The following DCN variants were observed in gnomAD, a reference collection of about 807,000 sequenced individuals.
DCN encodes the protein bone proteoglycan II.
Under a neutral mutation model 36.5 loss-of-function variants are expected in DCN, and 17 were observed. The ratio of observed to expected loss-of-function variants is 0.47; its 90% CI spans 0.32 to 0.70. The LOEUF (loss-of-function observed/expected upper bound fraction) is 0.70, where lower values mean the gene tolerates loss of function less well. DCN is among the 30% of genes least tolerant of loss of function. The pLI, the probability that DCN is intolerant of heterozygous loss-of-function variation, is 0.04. For synonymous variants in DCN, 163 were observed against 161.4 expected, an observed-to-expected ratio of 1.01 and a Z score of -0.07; for missense variants, 389 against 430.1, an observed-to-expected ratio of 0.90 and a Z score of 0.84.
At chr12:91,159,418 AT>A (rs143737212) in intron 3 of DCN, among the ~76,000 whole-genome samples, 23,335 of 149,812 alleles carry the variant, frequency 0.16, 1,949 homozygotes, top group Non-Finnish European at 0.18. Context: ...AGGTTAAACT[AT>A]TTTTTTTTTA....
At position 91,151,682 on chromosome 12, in the gene DCN, C is replaced by A. The variant is rs1163010222; in HGVS notation, c.857G>T (p.Gly286Val). 4 of 1,614,078 alleles carry A rather than the reference C, an allele frequency of 2.5e-6. No homozygotes were observed. Among genetic ancestry groups the A allele is most frequent in the South Asian group, 1.1e-5 (1 of 91,080 alleles). Residue 286 changes from glycine to valine, a missense_variant, in exon 7 of 8, where the codon GGT becomes GTT. By Grantham distance (109) the Gly-to-Val change is moderately radical. Coordinates refer to ENST00000052754, the MANE Select transcript of DCN (RefSeq NM_001920.5). The stretch of plus-strand genomic sequence containing the variant: ...GATGTACTTATGCTCTGCCAGCCCA[C>A]CAGGTACTCTGGTAAGCTTGTTGTT... ...LDNNKLTRVP[G>V]GLAEHKYIQV... is the part of the protein sequence containing the mutation.
chr12:91,140,681 CAACCCTTTCCCTTGAGCTCCAAAATTCT>C lies in DCN; in HGVS notation c.*5349_*5376del, dbSNP rs974391844. The C allele has an allele frequency of 5.9e-5, 9 of 152,168 alleles. No homozygotes were observed. Among genetic ancestry groups the C allele is most frequent in the Admixed American group, 1.3e-4 (2 of 15,278 alleles). The allele number at this position is 152,168 out of a possible 1,614,324, so 9.4% of individuals were successfully genotyped here. ...ATCTCTAGAATTTATGTCTACAGCT[CAACCCTTTCCCTTGAGCTCCAAAATTCT>C]AGATCTAAATCCTCCTTGACACCTC... is the stretch of plus-strand genomic sequence containing the variant. On this transcript the variant is annotated 3_prime_UTR_variant, in exon 8 of 8. Coordinates refer to ENST00000052754, the MANE Select transcript of DCN (RefSeq NM_001920.5).
At chr12:91,154,609 A>T (rs1207543407) in intron 5 of DCN, among the ~76,000 whole-genome samples, 2 of 152,152 alleles carry the variant, frequency 1.3e-5, no homozygotes, top group Non-Finnish European at 2.9e-5. Flanking sequence ...TTTGAGATAG[A>T]CAAATTTGTA....
chr12:91,142,677 T>C lies in DCN; in HGVS notation c.*3381A>G, dbSNP rs1480775125. ...TTCTGGAAAATCTGTGTCACTTGAA[T>C]AAACTAAGATGGCTGTACTGAAGAC... On this transcript the variant is annotated 3_prime_UTR_variant, in exon 8 of 8. Transcript: ENST00000052754. 1 of 152,162 alleles carries C rather than the reference T, an allele frequency of 6.6e-6. No individual in the cohort carries two copies. Among genetic ancestry groups the C allele is most frequent in the Non-Finnish European group, 1.5e-5 (1 of 68,008 alleles). 9.4% of individuals were successfully genotyped at this position (152,162 alleles called of 1,614,324 possible).
At position 91,146,655 on chromosome 12, in the gene DCN, C is replaced by A. The variant is rs3138287; in HGVS notation, c.886-403G>T. 9.0e-3 allele frequency among the ~76,000 whole-genome samples: 1,369 copies of A among 152,152 alleles called. 23 individuals carry two copies. Among genetic ancestry groups the A allele is most frequent in the African/African-American group, 0.032 (1,310 of 41,520 alleles). The stretch of plus-strand genomic sequence containing the variant: ...AGGCGTAAGCCACCACGACAGGCCC[C>A]ACTTTGAATAACTGACTACTTCTCA... On this transcript the variant is annotated intron_variant, in intron 7 of 7. Coordinates refer to ENST00000052754, the MANE Select transcript of DCN (RefSeq NM_001920.5).
At chr12:91,167,498 C>A (rs1592698785) in intron 2 of DCN, among the ~76,000 whole-genome samples, 3 of 151,708 alleles carry the variant, frequency 2.0e-5, no homozygotes, top group South Asian at 4.2e-4. Context: ...CACACACACA[C>A]AATTTCTGAG....
intron 2 of DCN, among the ~76,000 whole-genome samples, chr12:91,165,441 A>C (rs1395969688): frequency 6.6e-6 from 1 of 152,162 alleles, no homozygotes; most frequent in African/African-American, 2.4e-5. Context: ...TATTGTTTTT[A>C]GTTTGTAAAT....
At chr12:91,149,331 A>G (rs746114753) in intron 7 of DCN, among the ~76,000 whole-genome samples, 7 of 152,226 alleles carry the variant, frequency 4.6e-5, no homozygotes, top group Non-Finnish European at 8.8e-5. Context: ...AATACACTAT[A>G]TCAAAAATAT....
chr12:91,182,589 G>C (rs1251868318), intron 1 of DCN, 66 bp downstream of exon 1: 2 of 149,870 alleles, frequency 1.3e-5, no homozygotes, highest in Non-Finnish European at 3.0e-5. Flanking sequence ...AATCCCTTTT[G>C]CTCGCAACTT....
chr12:91,146,174 C>T lies in DCN; in HGVS notation c.964G>A (p.Ala322Thr), dbSNP rs760834786. The change falls in exon 8 of 8, where the codon GCT becomes ACT. Residue 322 changes from alanine to threonine, a missense_variant. Coordinates refer to ENST00000052754, the MANE Select transcript of DCN (RefSeq NM_001920.5). ...AAAAGACTCACACCCGAATAAGAAG[C>T]CTTTTTGGTGTTGTGTCCAGGTGGG... ...FCPPGHNTKK[A>T]SYSGVSLFSN... 6.8e-6 allele frequency: 11 copies of T among 1,613,452 alleles called. No individual in the cohort carries two copies. Among genetic ancestry groups the T allele is most frequent in the Non-Finnish European group, 9.3e-6 (11 of 1,179,632 alleles).
At position 91,141,691 on chromosome 12, in the gene DCN, T is replaced by G. The variant is rs1226324855; in HGVS notation, c.*4367A>C. 6.6e-6 allele frequency: 1 copy of G among 152,154 alleles called. No homozygotes were observed. The highest frequency in any genetic ancestry group is 1.5e-5 in the Non-Finnish European group (1 of 68,016). The allele number at this position is 152,154 out of a possible 1,614,324, so 9.4% of individuals were successfully genotyped here. On this transcript the variant is annotated 3_prime_UTR_variant, in exon 8 of 8. Transcript: ENST00000052754. ...TCAAGACAAAAAAGTTGGATTATTT[T>G]GACATTTTTGAGTGTATTTTAAAAT... is the stretch of plus-strand genomic sequence containing the variant.
rs1194723225 is a variant in DCN, at chr12:91,144,418, T to A, written c.*1640A>T. On this transcript the variant is annotated 3_prime_UTR_variant, in exon 8 of 8. Coordinates refer to ENST00000052754, the MANE Select transcript of DCN (RefSeq NM_001920.5). ...TTCCAATAGAAACCACCTATTCAACTGTAGTCATGAGAGGAGGATCTCTTG... is the reference window on the plus strand; with the variant it reads ...TTCCAATAGAAACCACCTATTCAACAGTAGTCATGAGAGGAGGATCTCTTG... 1 of 152,186 alleles carries A rather than the reference T, an allele frequency of 6.6e-6. No homozygotes were observed. The highest frequency in any genetic ancestry group is 2.1e-4 in the South Asian group (1 of 4,812). The allele number at this position is 152,186 out of a possible 1,614,324, so 9.4% of individuals were successfully genotyped here.
At chr12:91,172,943 G>T in intron 2 of DCN, 1 of 497,354 alleles carries the variant, frequency 2.0e-6, no homozygotes, top group Non-Finnish European at 3.5e-6. Context: ...ATATATAATT[G>T]ATTATTATAG....
chr12:91,173,428 C>T (rs1883098404), intron 2 of DCN, among the ~76,000 whole-genome samples: 1 of 152,092 alleles, frequency 6.6e-6, no homozygotes, highest in Non-Finnish European at 1.5e-5. Flanking sequence ...CTTCTTGACT[C>T]CCTCTCTTCC....
Position 91,178,485 on chromosome 12 carries a change from C to T in DCN, c.68G>A (p.Gly23Asp). 6.2e-7 allele frequency: 1 copy of T among 1,613,702 alleles called. No homozygotes were observed. The highest frequency in any genetic ancestry group is 8.5e-7 in the Non-Finnish European group (1 of 1,179,934). ...ATCTTCTAGCATAAAGTCAAATAAGCCTCTCTGTTGAAACGGTCCAGCCCA... is the reference window on the plus strand; with the variant it reads ...ATCTTCTAGCATAAAGTCAAATAAGTCTCTCTGTTGAAACGGTCCAGCCCA... ...VSWAGPFQQR[G>D]LFDFMLEDEA... The change falls in exon 2 of 8, where the codon GGC becomes GAC. Residue 23 changes from glycine (G) to aspartate (D), a missense_variant. Physicochemically the swap from Gly to Asp is moderately conservative, Grantham distance 94. Coordinates refer to ENST00000052754, the MANE Select transcript of DCN (RefSeq NM_001920.5).
chr12:91,164,462 T>TAAAAAAAAA (rs36087078), intron 3 of DCN, 143 bp downstream of exon 3: 1 of 305,552 alleles, frequency 3.3e-6, no homozygotes, highest in Non-Finnish European at 5.6e-6. Flanking sequence ...AAAAAAAAAG[T>TAAAAAAAAA]AAAAAAAAAA....
At chr12:91,162,823 C>A (rs148865089) in intron 3 of DCN, among the ~76,000 whole-genome samples, 1 of 152,134 alleles carries the variant, frequency 6.6e-6, no homozygotes. Context: ...CAAGTAAATA[C>A]CATTCTTTTT....
At chr12:91,176,407 C>G (rs1883288196) in intron 2 of DCN, 1 of 152,058 alleles carries the variant, frequency 6.6e-6, no homozygotes, top group African/African-American at 2.4e-5. Context: ...ACTTTCTCAT[C>G]TGAAAACAAA....
At chr12:91,157,633 A>AAT (rs1881874311) in intron 4 of DCN, among the ~76,000 whole-genome samples, 2 of 147,148 alleles carry the variant, frequency 1.4e-5, no homozygotes, top group African/African-American at 5.0e-5. Flanking sequence ...GTTTAGAGAA[A>AAT]TTTTTTTTTT....
Sources: gnomAD v4.1 joint callset for allele counts (sites outside exome capture counted in the v4.1 genomes callset) on GRCh38, gnomAD v4.1.1 for gene constraint, MANE v1.5 for transcripts, NCBI Gene and HGNC (gene_info 2026-07-23, HGNC 2026-07-21) for gene names.